The following PSTPIP2 variants were observed in gnomAD, a reference collection of about 807,000 sequenced individuals.
PSTPIP2 encodes proline-serine-threonine phosphatase-interacting protein 2.
In PSTPIP2, 33 loss-of-function variants were observed where a neutral mutation model predicts 63.3. The observed-to-expected ratio is 0.52, with a 90% confidence interval of 0.40 to 0.70. The LOEUF (loss-of-function observed/expected upper bound fraction) is 0.70. Ranked by LOEUF, PSTPIP2 falls within the 30% of genes least tolerant of loss-of-function variation. The probability of loss-of-function intolerance (pLI) is 0.00; values close to 1 mark genes in which losing one functional copy is unlikely to be tolerated. For missense variants in PSTPIP2, 312 were observed against 400.7 expected (o/e 0.78, Z 1.89); for synonymous variants, 125 against 132.7 (o/e 0.94, Z 0.40).
intron 2 of PSTPIP2, among the ~76,000 whole-genome samples, chr18:46,036,867 G>A (rs1907999033): frequency 6.6e-6 from 1 of 152,236 alleles, no homozygotes; most frequent in African/African-American, 2.4e-5. Context: ...AAATTCAAGA[G>A]GCCCATGGTA....
intron 1 of PSTPIP2, among the ~76,000 whole-genome samples, chr18:46,044,828 C>A (rs1351403249): frequency 9.9e-5 from 15 of 152,020 alleles, no homozygotes; most frequent in Non-Finnish European, 2.1e-4. Context: ...AACAAACAAC[C>A]CCATCAAAAA....
At chr18:46,067,027 C>CAAAAAA (rs35558747) in intron 1 of PSTPIP2, among the ~76,000 whole-genome samples, 1 of 130,090 alleles carries the variant, frequency 7.7e-6, no homozygotes, top group Non-Finnish European at 1.6e-5. Flanking sequence ...AACTCCATCT[C>CAAAAAA]AAAAAAAAAA....
intron 1 of PSTPIP2, among the ~76,000 whole-genome samples, chr18:46,049,215 T>A (rs6507663): frequency 0.62 from 93,567 of 151,894 alleles, 29,074 homozygotes; most frequent in African/African-American, 0.7. Flanking sequence ...CAAGAACAGA[T>A]AACCAAATAC....
intron 1 of PSTPIP2, among the ~76,000 whole-genome samples, chr18:46,047,387 G>A (rs4890311): frequency 0.66 from 99,918 of 152,014 alleles, 33,483 homozygotes; most frequent in African/African-American, 0.81. Flanking sequence ...AGCTTGGCCA[G>A]CACAGTGAAA....
intron 4 of PSTPIP2, among the ~76,000 whole-genome samples, chr18:46,014,297 C>T (rs1178840785): frequency 1.3e-5 from 1 of 75,036 alleles, no homozygotes; most frequent in Non-Finnish European, 2.5e-5. Flanking sequence ...GTTAGGATTA[C>T]AGGTGTGAGC....
rs745565482 is a variant in PSTPIP2 at position 46,015,883 on chromosome 18, T to A, written c.247+20A>T. On this transcript the variant is annotated intron_variant, in intron 4 of 14. Coordinates refer to ENST00000409746, the MANE Select transcript of PSTPIP2 (RefSeq NM_024430.4). ...TTGTCAAGGGCAGTGAATACATTTT[T>A]TAAAAAAAAAATCACTTACGCTGCT... The A allele has an allele frequency of 1.4e-5, 23 of 1,588,000 alleles. No homozygotes were observed. Among genetic ancestry groups the A allele is most frequent in the Non-Finnish European group, 2.0e-5 (23 of 1,173,660 alleles).
intron 1 of PSTPIP2, among the ~76,000 whole-genome samples, chr18:46,058,551 G>C (rs767886896): frequency 6.6e-6 from 1 of 151,972 alleles, no homozygotes; most frequent in Non-Finnish European, 1.5e-5. Context: ...AGTAGAGACG[G>C]GGTTTCACCG....
intron 2 of PSTPIP2, among the ~76,000 whole-genome samples, chr18:46,035,696 A>G (rs928104650): frequency 1.4e-4 from 21 of 152,250 alleles, no homozygotes; most frequent in African/African-American, 4.6e-4. Flanking sequence ...GAAGTAGCCC[A>G]TCTCCCTAGA....
At chr18:46,029,881 G>A (rs1239554098) in intron 2 of PSTPIP2, 10 of 305,242 alleles carry the variant, frequency 3.3e-5, no homozygotes, top group Middle Eastern at 1.2e-3. Context: ...TTGGGAGGCC[G>A]AGGCGGGTGG....
At chr18:45,995,504 C>T (rs1311462796) in intron 9 of PSTPIP2, among the ~76,000 whole-genome samples, 1 of 152,134 alleles carries the variant, frequency 6.6e-6, no homozygotes, top group Non-Finnish European at 1.5e-5. Context: ...CTAGGCTTTC[C>T]CCTAAGAGTG....
rs1726827992 is a variant in PSTPIP2 at position 45,984,737 on chromosome 18, A to C, written c.*722T>G. Reference sequence around the variant, plus strand: ...GTTCAGCATACACAGGGATCCACATAAAAATAAATCTGACATTTAAACCCT... The same window carrying C: ...GTTCAGCATACACAGGGATCCACATCAAAATAAATCTGACATTTAAACCCT... On this transcript the variant is annotated 3_prime_UTR_variant, in exon 15 of 15. Coordinates refer to ENST00000409746, the MANE Select transcript of PSTPIP2 (RefSeq NM_024430.4). The C allele has an allele frequency of 6.6e-6, 1 of 152,258 alleles. No individual in the cohort carries two copies. Among genetic ancestry groups the C allele is most frequent in the Non-Finnish European group, 1.5e-5 (1 of 68,064 alleles). The allele number at this position is 152,258 out of a possible 1,614,324, so 9.4% of individuals were successfully genotyped here. A position where few individuals can be genotyped will look rare whatever the true frequency, so the allele number is the denominator to read the frequency against.
rs112158620 is a variant in PSTPIP2 at position 46,017,299 on chromosome 18, C to G, written c.213-1362G>C. Among the ~76,000 whole-genome samples the G allele has an allele frequency of 5.3e-3, 811 of 152,234 alleles. 8 individuals carry two copies. Among genetic ancestry groups the G allele is most frequent in the Middle Eastern group, 0.014 (4 of 294 alleles). On this transcript the variant is annotated intron_variant, in intron 3 of 14. Transcript: ENST00000409746. ...TAATAAATGTTCCTTAGTGGGTAAT[C>G]ACTCTTTCTGGATGCCTTTAGGACT...
At chr18:46,048,736 C>T (rs920629418) in intron 1 of PSTPIP2, among the ~76,000 whole-genome samples, 20 of 152,120 alleles carry the variant, frequency 1.3e-4, no homozygotes, top group African/African-American at 4.8e-4. Flanking sequence ...ACAGAAGAGA[C>T]GTGGCAGCTA....
At chr18:45,998,904 A>G in intron 7 of PSTPIP2, 65 bp from the exon 8 acceptor site, 2 of 1,562,328 alleles carry the variant, frequency 1.3e-6, no homozygotes, top group Non-Finnish European at 1.8e-6. Context: ...AGGCTTCCAC[A>G]GGCAAAACAG....
chr18:46,063,257 G>A (rs770528700), intron 1 of PSTPIP2, among the ~76,000 whole-genome samples: 3 of 151,896 alleles, frequency 2.0e-5, no homozygotes, highest in Non-Finnish European at 4.4e-5. Flanking sequence ...GTCCCACCTC[G>A]GCCTCCCAAA....
intron 4 of PSTPIP2, among the ~76,000 whole-genome samples, chr18:46,012,320 A>G (rs1173254736): frequency 6.6e-6 from 1 of 152,202 alleles, no homozygotes; most frequent in Non-Finnish European, 1.5e-5. Flanking sequence ...ATTTTTTAGA[A>G]ACGAAATTTT....
chr18:46,059,434 A>T (rs879430936), intron 1 of PSTPIP2, among the ~76,000 whole-genome samples: 1 of 151,854 alleles, frequency 6.6e-6, no homozygotes, highest in Non-Finnish European at 1.5e-5. Flanking sequence ...TTTTTAGTAA[A>T]CACATGGTTT....
At chr18:46,033,291 A>G (rs1907846966) in intron 2 of PSTPIP2, among the ~76,000 whole-genome samples, 1 of 152,230 alleles carries the variant, frequency 6.6e-6, no homozygotes, top group South Asian at 2.1e-4. Context: ...AACCCCCAGC[A>G]TCTTAGACTG....
chr18:46,064,110 G>C, intron 1 of PSTPIP2, among the ~76,000 whole-genome samples: 1 of 152,100 alleles, frequency 6.6e-6, no homozygotes, highest in South Asian at 2.1e-4. Flanking sequence ...GACCAATCAG[G>C]GGCTTGTAGA....
Sources: allele counts gnomAD v4.1 joint callset (sites outside exome capture counted in the v4.1 genomes callset), GRCh38; gene constraint gnomAD v4.1.1; transcripts MANE v1.5; gene names NCBI Gene and HGNC (gene_info 2026-07-23, HGNC 2026-07-21).